The following MYO18A variants were observed in gnomAD, a reference collection of about 807,000 sequenced individuals.
MYO18A encodes the protein myosin XVIIIA, also known as unconventional myosin-XVIIIa.
Under a neutral mutation model 235.8 loss-of-function variants are expected in MYO18A, and 78 were observed. The ratio of observed to expected loss-of-function variants is 0.33; its 90% CI spans 0.28 to 0.40. The LOEUF (loss-of-function observed/expected upper bound fraction) is 0.40, where lower values mean the gene tolerates loss of function less well. MYO18A is among the 10% of genes least tolerant of loss of function. MYO18A has a pLI of 1.00. For missense variants in MYO18A, 2,215 were observed against 2,699.3 expected (o/e 0.82, Z 3.98); for synonymous variants, 977 against 1,077.8 (o/e 0.91, Z 1.83).
chr17:29,169,639 C>A (rs376482043), intron 1 of MYO18A, among the ~76,000 whole-genome samples: 173 of 152,250 alleles, frequency 1.1e-3, no homozygotes, highest in African/African-American at 3.8e-3. Flanking sequence ...ACTGCCTGCA[C>A]CATCTTAAAG....
Position 29,094,835 on chromosome 17 carries a change from T to C in MYO18A, c.4525A>G (p.Ile1509Val), listed in dbSNP as rs761968675. 4 of 1,613,900 alleles carry C rather than the reference T, an allele frequency of 2.5e-6. No individual in the cohort carries two copies. The change falls in exon 30 of 42, where the codon ATT becomes GTT. Residue 1509 changes from isoleucine to valine, a missense_variant. By Grantham distance (29) the Ile-to-Val change is conservative. Coordinates refer to ENST00000527372, the MANE Select transcript of MYO18A (RefSeq NM_078471.4). ...KQQLEEKDMD[I>V]AGFTQKVVSL... ...ACAACCTTCTGGGTGAACCCTGCAA[T>C]GTCCATGTCTTTTTCCTGGAGCAAA...
Position 29,126,418 on chromosome 17 carries a change from A to G in MYO18A, c.1000-4165T>C, listed in dbSNP as rs915300217. On this transcript the variant is annotated intron_variant, in intron 2 of 41. Transcript: ENST00000527372. The surrounding 1 kb of genome is among the most constrained non-coding windows in gnomAD (Gnocchi z 4.1). ...TCCAGAGCGACCAACAGTTCTGCCC[A>G]TACCCTGCCCAAAATGCCCATGCCA... Among the ~76,000 whole-genome samples the G allele has an allele frequency of 2.0e-5, 3 of 152,192 alleles. No individual in the cohort carries two copies. Among genetic ancestry groups the G allele is most frequent in the African/African-American group, 7.2e-5 (3 of 41,446 alleles).
intron 2 of MYO18A, among the ~76,000 whole-genome samples, chr17:29,122,805 C>T (rs547693588): frequency 6.6e-6 from 1 of 152,352 alleles, no homozygotes; most frequent in East Asian, 1.9e-4. Context: ...GGGCTCAGAG[C>T]CCTGGCCTCA....
rs1388507230 is a variant in MYO18A, at chr17:29,158,871, T to A, written c.999+7071A>T. Among the ~76,000 whole-genome samples, 1 of 152,166 alleles carries A rather than the reference T, an allele frequency of 6.6e-6. No homozygotes were observed. Reference sequence around the variant, plus strand: ...AGTCAGGGTGTTTGCATATCTGGTATTTTCCAGAACCAGTCCAATGTAAAT... The same window carrying A: ...AGTCAGGGTGTTTGCATATCTGGTAATTTCCAGAACCAGTCCAATGTAAAT... On this transcript the variant is annotated intron_variant, in intron 2 of 41. Transcript: ENST00000527372. This position sits in a 1 kb window ranked among gnomAD's most constrained non-coding sequence, Gnocchi z 4.3.
At chr17:29,104,939 G>C (rs2066744981) in intron 20 of MYO18A, among the ~76,000 whole-genome samples, 4 of 152,070 alleles carry the variant, frequency 2.6e-5, no homozygotes, top group Non-Finnish European at 5.9e-5. Flanking sequence ...CCAGCACTTT[G>C]GGAGGCTGAG....
Position 29,118,034 on chromosome 17 carries a change from C to T in MYO18A, c.2038+11G>A. ...GGACAGGCCAGCCTACTGGGACCCACTGCAGGTTACCTTTGGTGGCTCCCG... is the reference window on the plus strand; with the variant it reads ...GGACAGGCCAGCCTACTGGGACCCATTGCAGGTTACCTTTGGTGGCTCCCG... On this transcript the variant is annotated intron_variant, in intron 10 of 41. Transcript: ENST00000527372. This position sits in a 1 kb window ranked among gnomAD's most constrained non-coding sequence, Gnocchi z 4.2. 6.4e-7 allele frequency: 1 copy of T among 1,572,784 alleles called. No individual in the cohort carries two copies. The highest frequency in any genetic ancestry group is 1.2e-5 in the South Asian group (1 of 85,552).
intron 2 of MYO18A, among the ~76,000 whole-genome samples, chr17:29,135,474 T>G (rs914779227): frequency 3.3e-5 from 5 of 152,272 alleles, no homozygotes; most frequent in African/African-American, 4.8e-5. Flanking sequence ...TGTTTTCAAT[T>G]AATTATTTCT....
At position 29,073,757 on chromosome 17, in the gene MYO18A, G is replaced by T; in HGVS notation, c.*1013C>A. 7.8e-7 allele frequency: 1 copy of T among 1,285,164 alleles called. No homozygotes were observed. The highest frequency in any genetic ancestry group is 1.1e-6 in the Non-Finnish European group (1 of 920,128). The allele number at this position is 1,285,164 out of a possible 1,614,324, so 79.6% of individuals were successfully genotyped here. On this transcript the variant is annotated 3_prime_UTR_variant, in exon 42 of 42. Transcript: ENST00000527372. ...ATAAGTGTGTGGGGGCAGGGAGGTTGGAAGAATGACACGGGCTCAGGACAC... is the reference window on the plus strand; with the variant it reads ...ATAAGTGTGTGGGGGCAGGGAGGTTTGAAGAATGACACGGGCTCAGGACAC...
chr17:29,107,391 G>T (rs1222923217), intron 19 of MYO18A: 4 of 569,440 alleles, frequency 7.0e-6, no homozygotes, highest in South Asian at 2.0e-5. Flanking sequence ...GGACAATCAG[G>T]CCTGCTCCAC....
At chr17:29,161,355 C>CAAAA (rs1175565325) in intron 2 of MYO18A, among the ~76,000 whole-genome samples, 3 of 50,304 alleles carry the variant, frequency 6.0e-5, no homozygotes, top group Non-Finnish European at 1.3e-4. Context: ...AACTCCATGT[C>CAAAA]AAAAAAAAAA....
intron 1 of MYO18A, among the ~76,000 whole-genome samples, chr17:29,174,287 C>G (rs998227610): frequency 2.6e-5 from 4 of 152,080 alleles, no homozygotes; most frequent in African/African-American, 9.7e-5. Flanking sequence ...GGGAGGACTG[C>G]TTGAGTCCAG....
At position 29,098,201 on chromosome 17, in the gene MYO18A, C is replaced by T. The variant is rs1356874128; in HGVS notation, c.3894G>A (p.Leu1298=). 1 of 1,614,018 alleles carries T rather than the reference C, an allele frequency of 6.2e-7. No homozygotes were observed. Among genetic ancestry groups the T allele is most frequent in the East Asian group, 2.2e-5 (1 of 44,892 alleles). ...ACTCTCCTGTGTTACGCTCATCTGT[C>T]AGCTCCGATGTCAGCTCTGAGATCT... ...ESRISELTSE[L]TDERNTGESA... is the part of the protein sequence containing the mutation. Residue 1298 remains leucine, a synonymous_variant, in exon 25 of 42, where the codon CTG becomes CTA. Transcript: ENST00000527372.
At chr17:29,080,983 G>C in intron 41 of MYO18A, 2 of 985,488 alleles carry the variant, frequency 2.0e-6, no homozygotes, top group Non-Finnish European at 2.4e-6. Flanking sequence ...CTCCACCCCC[G>C]GGGCCTCCTT....
In MYO18A at chr17:29,074,378, C is replaced by T. The variant is rs776732793; in HGVS notation, c.*392G>A. The T allele has an allele frequency of 4.6e-6, 3 of 655,786 alleles. No individual in the cohort carries two copies. The highest frequency in any genetic ancestry group is 7.9e-6 in the Non-Finnish European group (3 of 379,208). The allele number at this position is 655,786 out of a possible 1,614,324, so 40.6% of individuals were successfully genotyped here. A position where few individuals can be genotyped will look rare whatever the true frequency, so the allele number is the denominator to read the frequency against. On this transcript the variant is annotated 3_prime_UTR_variant, in exon 42 of 42. Coordinates refer to ENST00000527372, the MANE Select transcript of MYO18A (RefSeq NM_078471.4). The surrounding 1 kb of genome is among the most constrained non-coding windows in gnomAD (Gnocchi z 4.4). Reference sequence around the variant, plus strand: ...GCACTGCTTCTCCTCCCCCAATCCTCCCCATGGACCCAGCAACCTAGAGTG... The same window carrying T: ...GCACTGCTTCTCCTCCCCCAATCCTTCCCATGGACCCAGCAACCTAGAGTG...
Position 29,090,012 on chromosome 17 carries a change from C to T in MYO18A, c.5475G>A (p.Arg1825=), listed in dbSNP as rs1351622917. 3 of 1,613,960 alleles carry T rather than the reference C, an allele frequency of 1.9e-6. No homozygotes were observed. In the African/African-American group the frequency reaches 4.0e-5, roughly 22 times the overall value. Residue 1825 remains arginine (R), a synonymous_variant, in exon 37 of 42, where the codon CGG becomes CGA. Transcript: ENST00000527372. ...SLVSRQEAKI[R]ELETRLEFER... is the part of the protein sequence containing the mutation. ...CAAACTCCAGGCGTGTCTCCAGCTCCCGTATCTTAGCTTCCTGCCTGCTCA... is the reference window on the plus strand; with the variant it reads ...CAAACTCCAGGCGTGTCTCCAGCTCTCGTATCTTAGCTTCCTGCCTGCTCA...
At chr17:29,176,881 C>G (rs1026327433) in intron 1 of MYO18A, 1 of 152,132 alleles carries the variant, frequency 6.6e-6, no homozygotes, top group African/African-American at 2.4e-5. Context: ...TTCCCCGCGG[C>G]TGGGCCGGCG....
At position 29,097,790 on chromosome 17, in the gene MYO18A, G is replaced by GCAT. The variant is rs753850710; in HGVS notation, c.4097_4099dup (p.Asp1366dup). 1 of 1,610,638 alleles carries GCAT rather than the reference G, an allele frequency of 6.2e-7. No homozygotes were observed. Among genetic ancestry groups the GCAT allele is most frequent in the Non-Finnish European group, 8.5e-7 (1 of 1,178,174 alleles). On this transcript the variant is annotated inframe_insertion, in exon 26 of 42. Transcript: ENST00000527372. ...AGCTCCTTGGGCCTCAGGCCCACCT[G>GCAT]CATCATCATCATCCACTTCCCCGTT...
chr17:29,132,988 G>A (rs1428286109), intron 2 of MYO18A, among the ~76,000 whole-genome samples: 16 of 152,174 alleles, frequency 1.1e-4, no homozygotes, highest in African/African-American at 2.7e-4. Context: ...ACAAGTGTTC[G>A]CAAACCACAC....
intron 40 of MYO18A, among the ~76,000 whole-genome samples, chr17:29,085,285 T>C (rs769952611): frequency 6.6e-6 from 1 of 152,150 alleles, no homozygotes; most frequent in South Asian, 2.1e-4. Context: ...ACACTTGGTT[T>C]TTGAGGGAGG....
Sources: gnomAD v4.1 joint callset for allele counts (sites outside exome capture counted in the v4.1 genomes callset) on GRCh38, gnomAD v4.1.1 for gene constraint, Gnocchi (gnomAD v3.1) non-coding constraint, MANE v1.5 for transcripts, NCBI Gene and HGNC (gene_info 2026-07-23, HGNC 2026-07-21) for gene names.